Variants in ZSWIM6 observed in about 807,000 individuals in gnomAD.
ZSWIM6 encodes zinc finger SWIM domain-containing protein 6.
ZSWIM6 carries 9 observed loss-of-function variants against 113.2 expected under a neutral mutation model. The observed-to-expected ratio is 0.08, with a 90% CI of 0.05 to 0.14. The LOEUF is 0.14. Among genes scored for constraint, ZSWIM6 ranks in the 10% least tolerant of loss-of-function variants. The probability of loss-of-function intolerance (pLI) is 1.00; values close to 1 mark genes in which losing one functional copy is unlikely to be tolerated. For synonymous variants in ZSWIM6, 611 were observed against 606.5 expected, an observed-to-expected ratio of 1.01 and a Z score of -0.11; for missense variants, 1,162 against 1,552.2, an observed-to-expected ratio of 0.75 and a Z score of 4.22.
intron 1 of ZSWIM6, among the ~76,000 whole-genome samples, chr5:61,462,041 A>C (rs1561247157): frequency 6.6e-6 from 1 of 152,222 alleles, no homozygotes. Flanking sequence ...CTCTACAGTA[A>C]GGGAAATGAC....
At position 61,525,996 on chromosome 5, in the gene ZSWIM6, A is replaced by C. The variant is rs781655502; in HGVS notation, c.1690+20A>C. 6.4e-7 allele frequency: 1 copy of C among 1,551,402 alleles called. No homozygotes were observed. Among genetic ancestry groups the C allele is most frequent in the African/African-American group, 1.4e-5 (1 of 73,036 alleles). On this transcript the variant is annotated intron_variant, in intron 6 of 13. Coordinates refer to ENST00000252744, the MANE Select transcript of ZSWIM6 (RefSeq NM_020928.2). ...GGCATGGTAAGTGACCAAACCGGAA[A>C]GACATTTCCATGACTTACTTCTTTG...
intron 1 of ZSWIM6, among the ~76,000 whole-genome samples, chr5:61,440,167 G>A (rs796576346): frequency 6.6e-6 from 1 of 151,992 alleles, no homozygotes; most frequent in Non-Finnish European, 1.5e-5. Context: ...AAGCTTAGTG[G>A]TTTTAAAATG....
intron 1 of ZSWIM6, among the ~76,000 whole-genome samples, chr5:61,426,818 T>G (rs1338935810): frequency 6.6e-6 from 1 of 151,932 alleles, no homozygotes; most frequent in African/African-American, 2.4e-5. Flanking sequence ...TTTCTTTTTT[T>G]TTTTTTTTCT....
intron 1 of ZSWIM6, among the ~76,000 whole-genome samples, chr5:61,457,857 A>T (rs1338421827): frequency 6.6e-6 from 1 of 152,124 alleles, no homozygotes; most frequent in East Asian, 1.9e-4. Context: ...GATGATACTG[A>T]AGTACTGTGT....
At chr5:61,425,681 G>A (rs750740277) in intron 1 of ZSWIM6, among the ~76,000 whole-genome samples, 3 of 152,060 alleles carry the variant, frequency 2.0e-5, no homozygotes, top group Non-Finnish European at 4.4e-5. Context: ...GGCATTTAAG[G>A]TTAACCAGGA....
chr5:61,515,140 A>C (rs1372745847), intron 4 of ZSWIM6, among the ~76,000 whole-genome samples: 2 of 152,160 alleles, frequency 1.3e-5, no homozygotes, highest in African/African-American at 2.4e-5. Context: ...ATTTATGAGC[A>C]TGAAGTTGTC....
chr5:61,474,221 C>T (rs1253480397), intron 2 of ZSWIM6, among the ~76,000 whole-genome samples: 3 of 152,220 alleles, frequency 2.0e-5, no homozygotes, highest in East Asian at 3.9e-4. Context: ...TATTTTTAAA[C>T]TTTGTGTAAA....
At chr5:61,515,410 C>T (rs555647899) in intron 4 of ZSWIM6, among the ~76,000 whole-genome samples, 49 of 152,296 alleles carry the variant, frequency 3.2e-4, no homozygotes, top group African/African-American at 1.1e-3. Context: ...GCTGGGATTA[C>T]AGGCGTGAGC....
chr5:61,485,794 T>TA (rs1315229560), intron 2 of ZSWIM6, among the ~76,000 whole-genome samples: 1 of 152,182 alleles, frequency 6.6e-6, no homozygotes, highest in African/African-American at 2.4e-5. Flanking sequence ...TTTTTTTAGA[T>TA]ACGTAAATAT....
chr5:61,525,826 G>C lies in ZSWIM6; in HGVS notation c.1540G>C (p.Val514Leu), dbSNP rs1248470209. ...QDSSNRPHRT[V>L]FTRAIEACDL... ...TTCATCGAACAGGCCACATCGGACA[G>C]TGTTCACCCGAGCCATCGAGGCATG... is the stretch of plus-strand genomic sequence containing the variant. Residue 514 changes from valine to leucine, a missense_variant, in exon 6 of 14, where the codon GTG becomes CTG. Val to Leu is a conservative substitution (Grantham distance 32). This residue lies in a region of ZSWIM6 where 620 missense variants were observed against 804.6 expected (regional missense o/e 0.77). Coordinates refer to ENST00000252744, the MANE Select transcript of ZSWIM6 (RefSeq NM_020928.2). The C allele has an allele frequency of 6.4e-7, 1 of 1,551,766 alleles. No individual in the cohort carries two copies.
chr5:61,505,117 G>A (rs1403360391), intron 4 of ZSWIM6, among the ~76,000 whole-genome samples: 1 of 152,154 alleles, frequency 6.6e-6, no homozygotes, highest in Non-Finnish European at 1.5e-5. Context: ...TTGGAGTCAG[G>A]ACTATTGGAT....
intron 1 of ZSWIM6, among the ~76,000 whole-genome samples, chr5:61,452,263 G>C: frequency 6.6e-6 from 1 of 152,032 alleles, no homozygotes; most frequent in East Asian, 1.9e-4. Context: ...TGTGTTTATA[G>C]TTCATTCCTA....
chr5:61,334,404 G>A (rs1020845907), intron 1 of ZSWIM6, among the ~76,000 whole-genome samples: 6 of 152,130 alleles, frequency 3.9e-5, no homozygotes, highest in Non-Finnish European at 7.3e-5. Flanking sequence ...TGGTGAACCC[G>A]GCACCGAATG....
rs141558967 is a variant in ZSWIM6, at chr5:61,471,014, A to G, written c.677-1667A>G. Among the ~76,000 whole-genome samples the G allele has an allele frequency of 9.2e-4, 140 of 152,280 alleles. 2 individuals carry two copies. Among genetic ancestry groups the G allele is most frequent in the Admixed American group, 8.2e-3 (126 of 15,298 alleles). On this transcript the variant is annotated intron_variant, in intron 1 of 13. Transcript: ENST00000252744. ...TGTCTGGCCATCATTCTTGAGTTTT[A>G]CATCTGCAGCTCCATGTGCACCACC...
rs1045620225 is a variant in ZSWIM6 at position 61,531,716 on chromosome 5, C to G, written c.2236C>G (p.Leu746Val). The change falls in exon 9 of 14, where the codon CTA (leucine) becomes GTA (valine). Residue 746 changes from leucine (L) to valine (V), a missense_variant. Transcript: ENST00000252744. ...VKIFRKQAVF[L>V]LEAGPYSGLG... Reference sequence around the variant, plus strand: ...AATTTTTCGCAAGCAAGCAGTCTTCCTATTAGAAGGTAGCCTGATACAGAA... The same window carrying G: ...AATTTTTCGCAAGCAAGCAGTCTTCGTATTAGAAGGTAGCCTGATACAGAA... 6.4e-7 allele frequency: 1 copy of G among 1,551,330 alleles called. No individual in the cohort carries two copies. Among genetic ancestry groups the G allele is most frequent in the Non-Finnish European group, 8.7e-7 (1 of 1,146,814 alleles).
At chr5:61,460,235 G>A (rs1161246992) in intron 1 of ZSWIM6, among the ~76,000 whole-genome samples, 1 of 152,146 alleles carries the variant, frequency 6.6e-6, no homozygotes, top group African/African-American at 2.4e-5. Flanking sequence ...GTTGGCTCAT[G>A]CTGATTGATG....
At chr5:61,483,157 G>A (rs1747922946) in intron 2 of ZSWIM6, among the ~76,000 whole-genome samples, 1 of 152,144 alleles carries the variant, frequency 6.6e-6, no homozygotes, top group African/African-American at 2.4e-5. Context: ...CTTCTTGCTG[G>A]TGGGGACTCT....
At chr5:61,354,010 T>G (rs1356560908) in intron 1 of ZSWIM6, among the ~76,000 whole-genome samples, 1 of 152,208 alleles carries the variant, frequency 6.6e-6, no homozygotes, top group Non-Finnish European at 1.5e-5. Flanking sequence ...GACCTAACTC[T>G]TAGAGCAAGC....
intron 4 of ZSWIM6, among the ~76,000 whole-genome samples, chr5:61,510,167 A>G (rs140377081): frequency 6.6e-6 from 1 of 151,714 alleles, no homozygotes; most frequent in East Asian, 1.9e-4. Flanking sequence ...GACCTTGTTC[A>G]TCAAAAACTT....
Sources: gnomAD v4.1 joint callset for allele counts (sites outside exome capture counted in the v4.1 genomes callset) on GRCh38, gnomAD v4.1.1 for gene constraint, gnomAD v4.1.1 regional missense constraint, MANE v1.5 for transcripts, NCBI Gene and HGNC (gene_info 2026-07-23, HGNC 2026-07-21) for gene names.